Variants in UST observed in about 807,000 individuals in gnomAD.
The protein encoded by UST is chondroitin sulfate 2-O-sulfotransferase.
A neutral mutation model predicts 45.6 loss-of-function variants in UST; 21 were observed. The ratio of observed to expected loss-of-function variants is 0.46; its 90% confidence interval spans 0.33 to 0.66. UST has a LOEUF of 0.66. UST is among the 30% of genes least tolerant of loss of function. The probability of loss-of-function intolerance (pLI) is 0.02; values close to 1 mark genes in which losing one functional copy is unlikely to be tolerated. For synonymous variants in UST, 215 were observed against 200.6 expected (o/e 1.07, Z -0.61); for missense variants, 463 against 512.4 (o/e 0.90, Z 0.93).
chr6:148,914,109 G>C (rs1779534915), intron 2 of UST, among the ~76,000 whole-genome samples: 1 of 152,154 alleles, frequency 6.6e-6, no homozygotes, highest in Non-Finnish European at 1.5e-5. Context: ...TGGGAAATAA[G>C]TTTTCATTCC....
At chr6:148,969,784 T>G (rs1780877368) in intron 5 of UST, among the ~76,000 whole-genome samples, 1 of 152,166 alleles carries the variant, frequency 6.6e-6, no homozygotes, top group South Asian at 2.1e-4. Flanking sequence ...GGTCTCAAAT[T>G]GCCTCACTAG....
At chr6:148,980,214 A>G (rs1781103060) in intron 5 of UST, among the ~76,000 whole-genome samples, 1 of 152,104 alleles carries the variant, frequency 6.6e-6, no homozygotes, top group Non-Finnish European at 1.5e-5. Context: ...TCACCTATAT[A>G]CCATGCTCCT....
At chr6:149,057,905 T>G (rs1470681401) in intron 7 of UST, among the ~76,000 whole-genome samples, 1 of 152,240 alleles carries the variant, frequency 6.6e-6, no homozygotes, top group Non-Finnish European at 1.5e-5. Flanking sequence ...TTTTCCTAAG[T>G]TTCCTAAAAA....
chr6:149,056,347 A>G (rs1776566627), intron 7 of UST, among the ~76,000 whole-genome samples: 1 of 151,866 alleles, frequency 6.6e-6, no homozygotes, highest in African/African-American at 2.4e-5. Flanking sequence ...ACCTCAAGTG[A>G]TCCACCACCT....
chr6:149,064,819 G>A (rs901790220), intron 7 of UST, among the ~76,000 whole-genome samples: 3 of 151,890 alleles, frequency 2.0e-5, no homozygotes, highest in Non-Finnish European at 4.4e-5. Flanking sequence ...GAATGTAGCC[G>A]CCCTTTGAGA....
Position 148,831,573 on chromosome 6 carries a change from A to T in UST, c.248-55413A>T, listed in dbSNP as rs551920024. Among the ~76,000 whole-genome samples, 297 of 152,280 alleles carry T rather than the reference A, an allele frequency of 2.0e-3. 1 individual carries two copies. The highest frequency in any genetic ancestry group is 5.5e-3 in the Admixed American group (84 of 15,294). Reference sequence around the variant, plus strand: ...CTGTGCTAAGTGCCCGACAAATAAGAAGTCATATAATCCTAACAGTAACCC... The same window carrying T: ...CTGTGCTAAGTGCCCGACAAATAAGTAGTCATATAATCCTAACAGTAACCC... On this transcript the variant is annotated intron_variant, in intron 1 of 7. Coordinates refer to ENST00000367463, the MANE Select transcript of UST (RefSeq NM_005715.3).
At chr6:149,047,045 CTAGT>C (rs1325011293) in intron 7 of UST, among the ~76,000 whole-genome samples, 1 of 152,160 alleles carries the variant, frequency 6.6e-6, no homozygotes, top group African/African-American at 2.4e-5. Flanking sequence ...TTTGAAGTCA[CTAGT>C]TAGAGTTGTT....
At chr6:148,820,938 T>G (rs1203194705) in intron 1 of UST, among the ~76,000 whole-genome samples, 2 of 151,084 alleles carry the variant, frequency 1.3e-5, no homozygotes, top group African/African-American at 4.9e-5. Context: ...GTATTACATG[T>G]AATTGTCATG....
intron 1 of UST, among the ~76,000 whole-genome samples, chr6:148,777,674 A>G (rs914098658): frequency 6.6e-6 from 1 of 152,162 alleles, no homozygotes; most frequent in African/African-American, 2.4e-5. Flanking sequence ...CCTCCCGAGT[A>G]GCTGGGATTA....
chr6:148,747,297 C>A lies in UST; in HGVS notation c.-134C>A. 8.8e-7 allele frequency: 1 copy of A among 1,131,342 alleles called. No individual in the cohort carries two copies. Among genetic ancestry groups the A allele is most frequent in the Non-Finnish European group, 1.1e-6 (1 of 876,180 alleles). 70.1% of individuals were successfully genotyped at this position (1,131,342 alleles called of 1,614,324 possible). ...TCTCCTGAGCCCGGCAACTTCGGCCCCTCCCCGCCCCCACCCGGCTGCCCT... is the reference window on the plus strand; with the variant it reads ...TCTCCTGAGCCCGGCAACTTCGGCCACTCCCCGCCCCCACCCGGCTGCCCT... On this transcript the variant is annotated 5_prime_UTR_variant, in exon 1 of 8. Coordinates refer to ENST00000367463, the MANE Select transcript of UST (RefSeq NM_005715.3).
intron 2 of UST, among the ~76,000 whole-genome samples, chr6:148,904,426 A>T (rs1242350641): frequency 1.3e-5 from 2 of 152,156 alleles, no homozygotes; most frequent in Non-Finnish European, 2.9e-5. Flanking sequence ...ATCCAGTAAG[A>T]TCATTCTTAT....
At chr6:148,807,753 C>T (rs1243763039) in intron 1 of UST, among the ~76,000 whole-genome samples, 1 of 152,098 alleles carries the variant, frequency 6.6e-6, no homozygotes, top group East Asian at 1.9e-4. Context: ...ATAGGGTGGC[C>T]TGTAACCAGC....
Position 149,038,346 on chromosome 6 carries a change from G to A in UST, c.937+16865G>A, listed in dbSNP as rs142645170. Among the ~76,000 whole-genome samples the A allele has an allele frequency of 3.0e-3, 445 of 149,116 alleles. 2 individuals are homozygous for A. Among genetic ancestry groups the A allele is most frequent in the Non-Finnish European group, 4.7e-3 (319 of 67,436 alleles). Reference sequence around the variant, plus strand: ...TTAAGATGAGGTCATACTAGATTAGGGTGGACCCTAAATCCAATGACTTGT... The same window carrying A: ...TTAAGATGAGGTCATACTAGATTAGAGTGGACCCTAAATCCAATGACTTGT... On this transcript the variant is annotated intron_variant, in intron 7 of 7. Transcript: ENST00000367463.
chr6:148,995,950 G>C (rs1231458312), intron 5 of UST, among the ~76,000 whole-genome samples: 1 of 152,188 alleles, frequency 6.6e-6, no homozygotes, highest in Admixed American at 6.5e-5. Flanking sequence ...GGTAATTGCT[G>C]TCCCAGCTCT....
chr6:148,770,994 G>T (rs982569479), intron 1 of UST, among the ~76,000 whole-genome samples: 1 of 152,054 alleles, frequency 6.6e-6, no homozygotes, highest in South Asian at 2.1e-4. Flanking sequence ...TATCCTGCAG[G>T]TATTGATTTA....
At chr6:148,937,002 A>G (rs1232673498) in intron 2 of UST, among the ~76,000 whole-genome samples, 1 of 152,170 alleles carries the variant, frequency 6.6e-6, no homozygotes, top group Non-Finnish European at 1.5e-5. Flanking sequence ...GCCATCAGAA[A>G]CAAATCTATA....
intron 7 of UST, among the ~76,000 whole-genome samples, chr6:149,034,824 T>G (rs2115027823): frequency 6.9e-6 from 1 of 145,696 alleles, no homozygotes; most frequent in African/African-American, 2.5e-5. Flanking sequence ...GGTTCTCATA[T>G]TCATGCTCAT....
intron 1 of UST, among the ~76,000 whole-genome samples, chr6:148,798,983 C>T (rs569818962): frequency 6.6e-6 from 1 of 152,142 alleles, no homozygotes; most frequent in Non-Finnish European, 1.5e-5. Flanking sequence ...GATTCTCCTG[C>T]GTTGGCTTCC....
chr6:148,985,031 T>C (rs1322084555), intron 5 of UST, among the ~76,000 whole-genome samples: 5 of 152,264 alleles, frequency 3.3e-5, no homozygotes, highest in African/African-American at 1.2e-4. Context: ...TGGAGTAAGC[T>C]GATGCAAGGT....
Sources: gnomAD v4.1 joint callset for allele counts (sites outside exome capture counted in the v4.1 genomes callset) on GRCh38, gnomAD v4.1.1 for gene constraint, MANE v1.5 for transcripts, NCBI Gene and HGNC (gene_info 2026-07-23, HGNC 2026-07-21) for gene names.